Variants in EIF4ENIF1 observed in about 807,000 individuals in gnomAD.
The protein encoded by EIF4ENIF1 is eukaryotic translation initiation factor 4E transporter.
In EIF4ENIF1, 23 loss-of-function variants were observed where a neutral mutation model predicts 110.5. The ratio of observed to expected loss-of-function variants is 0.21; its 90% CI spans 0.15 to 0.29. The LOEUF (loss-of-function observed/expected upper bound fraction) is 0.29, where lower values mean the gene tolerates loss of function less well. Among genes scored for constraint, EIF4ENIF1 ranks in the 10% least tolerant of loss-of-function variants. The probability of loss-of-function intolerance (pLI) is 1.00; values close to 1 mark genes in which losing one functional copy is unlikely to be tolerated. For synonymous variants in EIF4ENIF1, 440 were observed against 437.0 expected (o/e 1.01, Z -0.09); for missense variants, 1,031 against 1,221.1 (o/e 0.84, Z 2.32).
intron 15 of EIF4ENIF1, 52 bp downstream of exon 15, chr22:31,444,554 A>G: frequency 1.9e-6 from 3 of 1,572,498 alleles, no homozygotes; most frequent in Non-Finnish European, 1.8e-6. Context: ...TCCATGCACA[A>G]CCAAACAGGG....
At chr22:31,456,868 T>C (rs1285992171) in intron 7 of EIF4ENIF1, among the ~76,000 whole-genome samples, 1 of 152,228 alleles carries the variant, frequency 6.6e-6, no homozygotes, top group East Asian at 1.9e-4. Context: ...TTTGGGTTTC[T>C]ATCCTTTGCC....
At chr22:31,470,472 G>A (rs1404187656) in intron 3 of EIF4ENIF1, among the ~76,000 whole-genome samples, 2 of 151,852 alleles carry the variant, frequency 1.3e-5, no homozygotes, top group Non-Finnish European at 1.5e-5. Flanking sequence ...GTAGACACAG[G>A]GTTTCGCCAT....
chr22:31,446,301 T>TAAAAAAAAAAA (rs2050474582), intron 14 of EIF4ENIF1, among the ~76,000 whole-genome samples: 1 of 44,080 alleles, frequency 2.3e-5, no homozygotes, highest in African/African-American at 8.8e-5. Flanking sequence ...AAAAAAAAAG[T>TAAAAAAAAAAA]TAAAAGTACT....
At position 31,464,768 on chromosome 22, in the gene EIF4ENIF1, C is replaced by A. The variant is rs2051131422; in HGVS notation, c.299-801G>T. Among the ~76,000 whole-genome samples the A allele has an allele frequency of 4.1e-5, 5 of 120,904 alleles. No homozygotes were observed. The South Asian group carries it at 1.4e-3, about 34-fold the overall frequency. 79.3% of individuals were successfully genotyped at this position (120,904 alleles called of 152,430 possible). On this transcript the variant is annotated intron_variant, in intron 4 of 18. Transcript: ENST00000330125. ...AATTAATTCAAAATGGATCACAGATCTAAATGTAAAACCTAAAACTAAAAA... is the reference window on the plus strand; with the variant it reads ...AATTAATTCAAAATGGATCACAGATATAAATGTAAAACCTAAAACTAAAAA...
At chr22:31,441,344 C>T (rs1324823832) in intron 17 of EIF4ENIF1, among the ~76,000 whole-genome samples, 1 of 151,820 alleles carries the variant, frequency 6.6e-6, no homozygotes, top group African/African-American at 2.4e-5. Flanking sequence ...TTGAGACCAG[C>T]CTGGGCAACA....
In EIF4ENIF1 at chr22:31,440,077, C is replaced by A; in HGVS notation, c.2761G>T (p.Val921Phe). 1 of 1,614,098 alleles carries A rather than the reference C, an allele frequency of 6.2e-7. No homozygotes were observed. Among genetic ancestry groups the A allele is most frequent in the East Asian group, 2.2e-5 (1 of 44,874 alleles). ...GGCACGTTCTGAGGGGTTGTCTGAA[C>A]GCTGACAGCTGCTGCATGGGAACCA... ...GSGSHAAAVS[V>F]QTTPQNVPSR... is the part of the protein sequence containing the mutation. Residue 921 changes from valine to phenylalanine, a missense_variant, in exon 19 of 19, where the codon GTT becomes TTT. Physicochemically the swap from Val to Phe is conservative, Grantham distance 50. Transcript: ENST00000330125.
chr22:31,455,145 T>C lies in EIF4ENIF1; in HGVS notation c.1270A>G (p.Lys424Glu). ...ATTCATAAACACTTACAGCTTTCTT[T>C]AAGTTTTTCTTTATTTGCAGAAAGG... ...SSLSANKEKL[K>E]ESSHSGVVLS... The change falls in exon 9 of 19, where the codon AAA (lysine) becomes GAA (glutamate). Residue 424 changes from lysine to glutamate, a missense_variant. Transcript: ENST00000330125. 6.2e-7 allele frequency: 1 copy of C among 1,611,192 alleles called. No individual in the cohort carries two copies. Among genetic ancestry groups the C allele is most frequent in the Non-Finnish European group, 8.5e-7 (1 of 1,179,076 alleles).
At chr22:31,436,971 A>AT (rs1320960894), downstream of EIF4ENIF1, 1 of 152,218 alleles carries the variant, frequency 6.6e-6, no homozygotes, top group Non-Finnish European at 1.5e-5. Context: ...AGTTATCGTC[A>AT]TTCTTGGTTT....
chr22:31,446,104 C>T (rs35143518), intron 14 of EIF4ENIF1, among the ~76,000 whole-genome samples: 54,264 of 150,804 alleles, frequency 0.36, 10,839 homozygotes, highest in Middle Eastern at 0.49. Flanking sequence ...GCCAACATAG[C>T]GAAACCCCAT....
At chr22:31,491,182 A>G (rs950323746), upstream of EIF4ENIF1, among the ~76,000 whole-genome samples, 1 of 152,224 alleles carries the variant, frequency 6.6e-6, no homozygotes, top group Non-Finnish European at 1.5e-5. Context: ...CTCATGGGGC[A>G]GTTAAGATTA....
At chr22:31,450,823 CATACACACATATAT>C (rs2050632996) in intron 10 of EIF4ENIF1, 1 of 156,912 alleles carries the variant, frequency 6.4e-6, no homozygotes, top group South Asian at 1.1e-4. Flanking sequence ...TACACACATA[CATACACACATATAT>C]ATATACTACA....
At chr22:31,442,439 C>T (rs2050331472) in intron 16 of EIF4ENIF1, among the ~76,000 whole-genome samples, 1 of 152,116 alleles carries the variant, frequency 6.6e-6, no homozygotes, top group African/African-American at 2.4e-5. Context: ...TCCCCACCAC[C>T]CACCCCAAGC....
chr22:31,465,028 T>C (rs1184247246), intron 4 of EIF4ENIF1, among the ~76,000 whole-genome samples: 1 of 151,688 alleles, frequency 6.6e-6, no homozygotes, highest in Non-Finnish European at 1.5e-5. Flanking sequence ...TCAGAACACA[T>C]AAAATCTCTT....
At chr22:31,475,602 C>G (rs2051541585) in intron 2 of EIF4ENIF1, among the ~76,000 whole-genome samples, 1 of 151,692 alleles carries the variant, frequency 6.6e-6, no homozygotes, top group African/African-American at 2.4e-5. Context: ...AAATATAAAA[C>G]TTAGCCAGGT....
At chr22:31,444,469 C>G in intron 15 of EIF4ENIF1, 137 bp downstream of exon 15, 1 of 790,148 alleles carries the variant, frequency 1.3e-6, no homozygotes, top group Non-Finnish European at 2.2e-6. Flanking sequence ...ACCTAATAGA[C>G]AGTTATGAAA....
chr22:31,447,511 C>T lies in EIF4ENIF1; in HGVS notation c.1903G>A (p.Asp635Asn). Reference sequence around the variant, plus strand: ...AAGTTTGCTGCCTGTACAGCAAGGTCATGTGGCAAGGCCAGCCCTTCTAAA... The same window carrying T: ...AAGTTTGCTGCCTGTACAGCAAGGTTATGTGGCAAGGCCAGCCCTTCTAAA... ...AALEGLALPH[D>N]LAVQAANFYQ... Residue 635 changes from aspartate (D) to asparagine (N), a missense_variant, in exon 14 of 19, where the codon GAC becomes AAC. Around this residue, in one of 3 missense-constraint regions of EIF4ENIF1, gnomAD observed 704 missense variants for 879.7 expected, o/e 0.80. Transcript: ENST00000330125. 3 of 1,612,948 alleles carry T rather than the reference C, an allele frequency of 1.9e-6. No individual in the cohort carries two copies. Among genetic ancestry groups the T allele is most frequent in the Non-Finnish European group, 2.5e-6 (3 of 1,179,524 alleles).
intron 7 of EIF4ENIF1, 107 bp downstream of exon 7, chr22:31,458,368 A>T: frequency 1.0e-6 from 1 of 978,884 alleles, no homozygotes; most frequent in Non-Finnish European, 1.4e-6. Context: ...TAAGAATAAA[A>T]GCCAAAAACC....
chr22:31,462,968 T>C lies in EIF4ENIF1; in HGVS notation c.751A>G (p.Lys251Glu). ...KILEEDHKGR[K>E]RTRRRTASVK... ...GAGGCTGTCCGTCGCCTTGTTCTTTTTCTCCCTTTGTGATCTTCTTCTAGT... is the reference window on the plus strand; with the variant it reads ...GAGGCTGTCCGTCGCCTTGTTCTTTCTCTCCCTTTGTGATCTTCTTCTAGT... The change falls in exon 6 of 19, where the codon AAA becomes GAA. Residue 251 changes from lysine to glutamate, a missense_variant. Transcript: ENST00000330125. 6.2e-7 allele frequency: 1 copy of C among 1,614,158 alleles called. No homozygotes were observed. The highest frequency in any genetic ancestry group is 2.2e-5 in the East Asian group (1 of 44,882).
Position 31,458,631 on chromosome 22 carries a change from T to C in EIF4ENIF1, c.807A>G (p.Gly269=). The C allele has an allele frequency of 6.2e-7, 1 of 1,605,244 alleles. No homozygotes were observed. The highest frequency in any genetic ancestry group is 8.5e-7 in the Non-Finnish European group (1 of 1,175,698). ...CCACTTCATCCTCTTCGGCCACTCC[T>C]CCATTGCACTCTACTATACCTGAAA... The part of the protein sequence containing the change: ...SVKEGIVECN[G]GVAEEDEVEV... Residue 269 remains glycine (G), a synonymous_variant, in exon 7 of 19, where the codon GGA becomes GGG. Transcript: ENST00000330125.
Sources: gnomAD v4.1 joint callset for allele counts (sites outside exome capture counted in the v4.1 genomes callset) on GRCh38, gnomAD v4.1.1 for gene constraint, gnomAD v4.1.1 regional missense constraint, MANE v1.5 for transcripts, NCBI Gene and HGNC (gene_info 2026-07-23, HGNC 2026-07-21) for gene names.